Variants in ADAMTSL1 observed in about 807,000 individuals in gnomAD.
The protein encoded by ADAMTSL1 is ADAMTS like 1.
In ADAMTSL1, 126 loss-of-function variants were observed where a neutral mutation model predicts 201.8. That is an observed-to-expected ratio of 0.62 (90% confidence interval 0.54 to 0.72). The LOEUF (loss-of-function observed/expected upper bound fraction) is 0.72. ADAMTSL1 is among the 30% of genes least tolerant of loss of function. The probability of loss-of-function intolerance (pLI) is 0.00; values close to 1 mark genes in which losing one functional copy is unlikely to be tolerated. For missense variants in ADAMTSL1, 2,679 were observed against 2,277.8 expected (o/e 1.18, Z -3.59); for synonymous variants, 1,121 against 903.4 (o/e 1.24, Z -4.32).
chr9:18,896,759 C>T (rs1261293751), intron 26 of ADAMTSL1, among the ~76,000 whole-genome samples: 1 of 152,174 alleles, frequency 6.6e-6, no homozygotes, highest in Non-Finnish European at 1.5e-5. Context: ...GCCAATGCAA[C>T]CAAGGCCTTG....
intron 1 of ADAMTSL1, among the ~76,000 whole-genome samples, chr9:18,053,239 TACAGTACCTGCTCTGG>T (rs1822015008): frequency 6.6e-6 from 1 of 152,152 alleles, no homozygotes; most frequent in South Asian, 2.1e-4. Context: ...CTCTGATGAG[TACAGTACCTGCTCTGG>T]ATTATGATCT....
intron 1 of ADAMTSL1, among the ~76,000 whole-genome samples, chr9:17,986,682 T>C (rs1309409495): frequency 6.6e-6 from 1 of 152,072 alleles, no homozygotes; most frequent in Non-Finnish European, 1.5e-5. Context: ...GAGCCCTCAC[T>C]CTTTGCCTGT....
intron 26 of ADAMTSL1, among the ~76,000 whole-genome samples, chr9:18,904,152 T>C (rs961911452): frequency 6.6e-6 from 1 of 152,096 alleles, no homozygotes; most frequent in Admixed American, 6.5e-5. Flanking sequence ...GTTTTCTGTA[T>C]GCACACTGTA....
chr9:18,203,102 C>T (rs867570964), intron 2 of ADAMTSL1, among the ~76,000 whole-genome samples: 1 of 152,188 alleles, frequency 6.6e-6, no homozygotes, highest in African/African-American at 2.4e-5. Context: ...ACTTTGATCC[C>T]AAAGCTGTCC....
intron 1 of ADAMTSL1, among the ~76,000 whole-genome samples, chr9:17,963,048 C>T (rs922637771): frequency 2.0e-5 from 3 of 152,142 alleles, no homozygotes; most frequent in African/African-American, 7.2e-5. Context: ...GGCAAAATGC[C>T]CTTGAGATAA....
chr9:18,686,503 T>C (rs1326975059), intron 13 of ADAMTSL1, among the ~76,000 whole-genome samples: 1 of 152,242 alleles, frequency 6.6e-6, no homozygotes, highest in East Asian at 1.9e-4. Context: ...CATTAATAAC[T>C]TCTTAATCCA....
chr9:18,083,173 A>G (rs1016368191), intron 1 of ADAMTSL1, among the ~76,000 whole-genome samples: 20 of 152,180 alleles, frequency 1.3e-4, no homozygotes, highest in African/African-American at 4.8e-4. Flanking sequence ...TTTGGCTACT[A>G]TTGAAGGCAA....
rs1160230986 is a variant in ADAMTSL1 at position 18,499,833 on chromosome 9, T to C, written c.64-4996T>C. Among the ~76,000 whole-genome samples the C allele has an allele frequency of 2.6e-5, 4 of 152,338 alleles. No individual in the cohort carries two copies. In the East Asian group the frequency reaches 7.7e-4, roughly 29 times the overall value. ...TCTCTTATACTATAACTTCAGCTGT[T>C]ATATGACTTCAATTTTACAAAAAAC... On this transcript the variant is annotated intron_variant, in intron 1 of 28. Coordinates refer to ENST00000380548, the MANE Select transcript of ADAMTSL1 (RefSeq NM_001040272.6).
At chr9:18,700,004 C>A (rs949462003) in intron 13 of ADAMTSL1, among the ~76,000 whole-genome samples, 8 of 152,144 alleles carry the variant, frequency 5.3e-5, no homozygotes, top group African/African-American at 1.9e-4. Flanking sequence ...TAAACAACAG[C>A]AGTTGAGAAA....
intron 1 of ADAMTSL1, among the ~76,000 whole-genome samples, chr9:17,946,883 A>G (rs1469334491): frequency 2.6e-5 from 4 of 152,224 alleles, no homozygotes; most frequent in Middle Eastern, 6.8e-3. Context: ...ATTATTAAAG[A>G]TTTCTACTTG....
intron 3 of ADAMTSL1, among the ~76,000 whole-genome samples, chr9:18,560,428 G>C (rs1462947586): frequency 6.6e-6 from 1 of 152,070 alleles, no homozygotes; most frequent in Non-Finnish European, 1.5e-5. Flanking sequence ...TGTTGAAGAT[G>C]TTCACATCAA....
intron 2 of ADAMTSL1, among the ~76,000 whole-genome samples, chr9:18,256,176 C>A (rs1253757290): frequency 6.6e-6 from 1 of 152,208 alleles, no homozygotes; most frequent in African/African-American, 2.4e-5. Context: ...AGGTCCCCTT[C>A]TTACTCAGCT....
chr9:18,094,885 G>A (rs952078871), intron 1 of ADAMTSL1, among the ~76,000 whole-genome samples: 1 of 151,914 alleles, frequency 6.6e-6, no homozygotes, highest in African/African-American at 2.4e-5. Flanking sequence ...TCTTAAAGAT[G>A]ACTCTGCCTC....
intron 21 of ADAMTSL1, among the ~76,000 whole-genome samples, chr9:18,819,878 G>A (rs1248631605): frequency 6.6e-6 from 1 of 152,244 alleles, no homozygotes; most frequent in East Asian, 1.9e-4. Flanking sequence ...AATCATCTGT[G>A]AGCTTAGTCT....
At chr9:18,307,569 A>T (rs1478816669) in intron 2 of ADAMTSL1, among the ~76,000 whole-genome samples, 2 of 152,180 alleles carry the variant, frequency 1.3e-5, no homozygotes, top group African/African-American at 4.8e-5. Flanking sequence ...AACAGACTTT[A>T]AACCAAAAAA....
In ADAMTSL1 at chr9:18,910,312, G is replaced by A. The variant is rs184783722; in HGVS notation, c.*1764G>A. On this transcript the variant is annotated 3_prime_UTR_variant, in exon 29 of 29. Transcript: ENST00000380548. Reference sequence around the variant, plus strand: ...TGTTTTCTATGTCTGTATATCTTTTGTGAATATTTATTAGGATTTCTTATT... The same window carrying A: ...TGTTTTCTATGTCTGTATATCTTTTATGAATATTTATTAGGATTTCTTATT... 1.3e-5 allele frequency: 2 copies of A among 152,236 alleles called. No individual in the cohort carries two copies. The highest frequency in any genetic ancestry group is 1.9e-4 in the East Asian group (1 of 5,188). The allele number at this position is 152,236 out of a possible 1,614,324, so 9.4% of individuals were successfully genotyped here.
chr9:18,630,195 T>A (rs1350564936), intron 5 of ADAMTSL1, among the ~76,000 whole-genome samples: 1 of 152,178 alleles, frequency 6.6e-6, no homozygotes, highest in East Asian at 1.9e-4. Context: ...GGTCTAGAGC[T>A]AATTGTACCC....
intron 2 of ADAMTSL1, among the ~76,000 whole-genome samples, chr9:18,316,130 T>G (rs1563881868): frequency 6.6e-6 from 1 of 152,132 alleles, no homozygotes; most frequent in South Asian, 2.1e-4. Flanking sequence ...AATGTGCGAA[T>G]AGGTGTGGGT....
intron 26 of ADAMTSL1, among the ~76,000 whole-genome samples, chr9:18,904,893 G>T (rs555104009): frequency 6.6e-6 from 1 of 151,978 alleles, no homozygotes; most frequent in South Asian, 2.1e-4. Context: ...CTCTTTCAGT[G>T]GTTCTTAACC....
Sources: gnomAD v4.1 joint callset for allele counts (sites outside exome capture counted in the v4.1 genomes callset) on GRCh38, gnomAD v4.1.1 for gene constraint, MANE v1.5 for transcripts, NCBI Gene and HGNC (gene_info 2026-07-23, HGNC 2026-07-21) for gene names.